The following ZBTB20 variants were observed in gnomAD, a reference collection of about 807,000 sequenced individuals.
ZBTB20 encodes zinc finger and BTB domain-containing protein 20.
Under a neutral mutation model 56.9 loss-of-function variants are expected in ZBTB20, and 9 were observed. The ratio of observed to expected loss-of-function variants is 0.16; its 90% confidence interval spans 0.10 to 0.28. The LOEUF (loss-of-function observed/expected upper bound fraction) is 0.28. Ranked by LOEUF, ZBTB20 falls within the 10% of genes least tolerant of loss-of-function variation. ZBTB20 has a pLI of 1.00. For synonymous variants in ZBTB20, 417 were observed against 420.7 expected, an observed-to-expected ratio of 0.99 and a Z score of 0.11; for missense variants, 655 against 1,003.0, an observed-to-expected ratio of 0.65 and a Z score of 4.69.
At chr3:114,947,326 A>G (rs560304733) in intron 3 of ZBTB20, among the ~76,000 whole-genome samples, 1 of 146,352 alleles carries the variant, frequency 6.8e-6, no homozygotes, top group African/African-American at 2.8e-5. Context: ...CCCCAAAAAG[A>G]AATTATTATA....
intron 1 of ZBTB20, among the ~76,000 whole-genome samples, chr3:115,142,352 AT>A (rs1340492607): frequency 6.6e-6 from 1 of 152,086 alleles, no homozygotes; most frequent in Non-Finnish European, 1.5e-5. Flanking sequence ...CCATTCTTCC[AT>A]TTTGCTCTTT....
chr3:114,617,244 A>G (rs2058004541), intron 6 of ZBTB20, among the ~76,000 whole-genome samples: 2 of 152,204 alleles, frequency 1.3e-5, no homozygotes, highest in Admixed American at 1.3e-4. Context: ...CTGCATCTAC[A>G]GCATCGTTTC....
intron 4 of ZBTB20, among the ~76,000 whole-genome samples, chr3:114,812,695 C>T (rs1191271796): frequency 6.6e-6 from 1 of 152,234 alleles, no homozygotes; most frequent in East Asian, 1.9e-4. Context: ...GCCGTGGGCC[C>T]GCACTCCTCA....
chr3:115,067,279 T>C (rs1300253916), intron 2 of ZBTB20, among the ~76,000 whole-genome samples: 1 of 151,964 alleles, frequency 6.6e-6, no homozygotes, highest in Non-Finnish European at 1.5e-5. Context: ...TTAGAAATAA[T>C]ATCACACCCA....
intron 3 of ZBTB20, among the ~76,000 whole-genome samples, chr3:114,932,581 C>T (rs868462773): frequency 1.3e-5 from 2 of 152,352 alleles, no homozygotes; most frequent in South Asian, 2.1e-4. Context: ...AGTCATCACT[C>T]TATTTTCTTA....
chr3:114,335,178 A>C lies in ZBTB20; in HGVS notation c.*3827T>G. On this transcript the variant is annotated 3_prime_UTR_variant, in exon 12 of 12. Coordinates refer to ENST00000675478, the MANE Select transcript of ZBTB20 (RefSeq NM_001348800.3). ...GGCAAATTCCATTTTAAAATTATAAATTGCTAAAAAATGTCCTTTCCATAC... is the reference window on the plus strand; with the variant it reads ...GGCAAATTCCATTTTAAAATTATAACTTGCTAAAAAATGTCCTTTCCATAC... The C allele has an allele frequency of 6.6e-6, 1 of 152,140 alleles. No individual in the cohort carries two copies. The highest frequency in any genetic ancestry group is 1.9e-4 in the East Asian group (1 of 5,202). The allele number at this position is 152,140 out of a possible 1,614,324, so 9.4% of individuals were successfully genotyped here.
chr3:114,894,192 T>A (rs2107642338), intron 4 of ZBTB20, among the ~76,000 whole-genome samples: 1 of 152,346 alleles, frequency 6.6e-6, no homozygotes, highest in Non-Finnish European at 1.5e-5. Context: ...TTGGACAAAT[T>A]GCTTATCCTC....
At chr3:114,614,737 T>TTTTG (rs141944007) in intron 6 of ZBTB20, among the ~76,000 whole-genome samples, 21,446 of 150,684 alleles carry the variant, frequency 0.14, 1,766 homozygotes, top group Admixed American at 0.25. Flanking sequence ...TGGCCACTTT[T>TTTTG]TTTGTTTGTT....
Position 114,658,423 on chromosome 3 carries a change from G to C in ZBTB20, c.-295+35105C>G, listed in dbSNP as rs2060531870. 2.0e-5 allele frequency: 3 copies of C among 151,998 alleles called. No homozygotes were observed. The South Asian group carries it at 6.2e-4, about 32-fold the overall frequency. The allele number at this position is 151,998 out of a possible 1,614,324, so 9.4% of individuals were successfully genotyped here. A position where few individuals can be genotyped will look rare whatever the true frequency, so the allele number is the denominator to read the frequency against. ...AATAGTATTGTAACATTATTTTGTA[G>C]ATCACAAAACTACAAAGTATCCCAG... On this transcript the variant is annotated intron_variant, in intron 6 of 11. Coordinates refer to ENST00000675478, the MANE Select transcript of ZBTB20 (RefSeq NM_001348800.3).
intron 2 of ZBTB20, among the ~76,000 whole-genome samples, chr3:114,998,844 T>A (rs1050321409): frequency 6.6e-6 from 1 of 151,564 alleles, no homozygotes; most frequent in Non-Finnish European, 1.5e-5. Flanking sequence ...TAATTTGGTA[T>A]TGGAGTCTGA....
At chr3:115,101,093 C>T (rs1301570347) in intron 1 of ZBTB20, among the ~76,000 whole-genome samples, 1 of 152,202 alleles carries the variant, frequency 6.6e-6, no homozygotes, top group African/African-American at 2.4e-5. Flanking sequence ...TCTAGCTGTA[C>T]AAACATCACA....
chr3:114,853,812 G>C (rs1012787974), intron 4 of ZBTB20, among the ~76,000 whole-genome samples: 1 of 152,196 alleles, frequency 6.6e-6, no homozygotes, highest in East Asian at 1.9e-4. Flanking sequence ...ATTAGTATCT[G>C]TAAAATGACC....
intron 6 of ZBTB20, among the ~76,000 whole-genome samples, chr3:114,675,623 A>G (rs1307603482): frequency 6.6e-6 from 1 of 152,196 alleles, no homozygotes; most frequent in African/African-American, 2.4e-5. Context: ...GCTACCACAC[A>G]TATTCTGTTA....
In ZBTB20 at chr3:114,350,666, G is replaced by A; in HGVS notation, c.1412C>T (p.Pro471Leu). ...SVNTSIGQPL[P>L]STQLYLRQTE... Reference sequence around the variant, plus strand: ...CTGGCGTAAGTAGAGCTGGGTACTTGGCAATGGCTGCCCGATGGACGTGTT... The same window carrying A: ...CTGGCGTAAGTAGAGCTGGGTACTTAGCAATGGCTGCCCGATGGACGTGTT... The change falls in exon 11 of 12, where the codon CCA becomes CTA. Residue 471 changes from proline to leucine, a missense_variant. By Grantham distance (98) the Pro-to-Leu change is moderately conservative (BLOSUM62 -3). Around this residue, in one of 10 missense-constraint regions of ZBTB20, gnomAD observed 156 missense variants for 181.0 expected, o/e 0.86. Transcript: ENST00000675478. 6.2e-7 allele frequency: 1 copy of A among 1,614,218 alleles called. No individual in the cohort carries two copies. Among genetic ancestry groups the A allele is most frequent in the Non-Finnish European group, 8.5e-7 (1 of 1,180,046 alleles).
At chr3:114,856,647 C>T (rs1223901492) in intron 4 of ZBTB20, among the ~76,000 whole-genome samples, 2 of 152,098 alleles carry the variant, frequency 1.3e-5, no homozygotes, top group Admixed American at 6.6e-5. Flanking sequence ...ATATTATACT[C>T]GGCTTATGTT....
intron 1 of ZBTB20, among the ~76,000 whole-genome samples, chr3:115,132,203 T>C (rs1311500302): frequency 6.6e-6 from 1 of 152,212 alleles, no homozygotes; most frequent in Non-Finnish European, 1.5e-5. Flanking sequence ...GTTTTATGCA[T>C]TTTAATATCT....
At chr3:114,905,204 A>G (rs1234365978) in intron 3 of ZBTB20, among the ~76,000 whole-genome samples, 1 of 151,952 alleles carries the variant, frequency 6.6e-6, no homozygotes, top group African/African-American at 2.4e-5. Flanking sequence ...TAAAAGTTTA[A>G]GAGCTAATTT....
intron 4 of ZBTB20, among the ~76,000 whole-genome samples, chr3:114,812,007 G>C (rs1483255543): frequency 2.6e-5 from 4 of 152,188 alleles, no homozygotes; most frequent in African/African-American, 9.7e-5. Flanking sequence ...CCTTCTGGTG[G>C]GTTTGTGGTC....
At chr3:115,055,187 A>ATCTC (rs58480744) in intron 2 of ZBTB20, among the ~76,000 whole-genome samples, 19,160 of 102,782 alleles carry the variant, frequency 0.19, 2,257 homozygotes, top group Middle Eastern at 0.3. Context: ...CCTCCTGGTA[A>ATCTC]TCTCTCTCTC....
Sources: gnomAD v4.1 joint callset for allele counts (sites outside exome capture counted in the v4.1 genomes callset) on GRCh38, gnomAD v4.1.1 for gene constraint, gnomAD v4.1.1 regional missense constraint, MANE v1.5 for transcripts, NCBI Gene and HGNC (gene_info 2026-07-23, HGNC 2026-07-21) for gene names.